NCOA6: variants seen among roughly 807,000 people sequenced by gnomAD.
NCOA6 encodes NRC RAP250.
A neutral mutation model predicts 171.4 loss-of-function variants in NCOA6; 49 were observed. The ratio of observed to expected loss-of-function variants is 0.29; its 90% CI spans 0.23 to 0.36. The LOEUF is 0.36. NCOA6 is among the 10% of genes least tolerant of loss of function. The pLI is 1.00. For synonymous variants in NCOA6, 910 were observed against 927.5 expected (o/e 0.98, Z 0.34); for missense variants, 2,248 against 2,554.5 (o/e 0.88, Z 2.59).
At chr20:34,768,864 ATATT>A (rs1365909137) in intron 4 of NCOA6, among the ~76,000 whole-genome samples, 2 of 152,234 alleles carry the variant, frequency 1.3e-5, no homozygotes, top group Admixed American at 6.5e-5. Flanking sequence ...GGAACTCTGA[ATATT>A]TATTTTCAAC....
At chr20:34,814,619 C>G (rs2078771125) in intron 1 of NCOA6, among the ~76,000 whole-genome samples, 1 of 152,034 alleles carries the variant, frequency 6.6e-6, no homozygotes, top group Non-Finnish European at 1.5e-5. Flanking sequence ...GAGACGGAGT[C>G]TCACTCTTGT....
intron 3 of NCOA6, chr20:34,776,682 T>G: frequency 1.6e-6 from 1 of 635,262 alleles, no homozygotes; most frequent in Admixed American, 2.3e-5. Context: ...TTTTCTTTTC[T>G]AAAACTATGA....
chr20:34,720,523 T>G (rs1989192272), intron 14 of NCOA6, among the ~76,000 whole-genome samples: 1 of 152,224 alleles, frequency 6.6e-6, no homozygotes, highest in African/African-American at 2.4e-5. Flanking sequence ...TGTCACTGGT[T>G]CTCCAACAAT....
chr20:34,817,983 T>C (rs2078895941), intron 1 of NCOA6, among the ~76,000 whole-genome samples: 1 of 152,174 alleles, frequency 6.6e-6, no homozygotes, highest in South Asian at 2.1e-4. Context: ...ATGATTTGAT[T>C]ATATGGTATG....
At position 34,727,420 on chromosome 20, in the gene NCOA6, A is replaced by G. The variant is rs774036892; in HGVS notation, c.6000-13T>C. On this transcript the variant is annotated splice_polypyrimidine_tract_variant and intron_variant, in intron 13 of 14. Transcript: ENST00000359003. ...TTTGGGCTCACTGCTGACAGAGGGA[A>G]GCAAAAAGTTTCCAAGCAGGTGAGG... The G allele has an allele frequency of 2.5e-6, 4 of 1,612,956 alleles. No individual in the cohort carries two copies. The highest frequency in any genetic ancestry group is 1.7e-5 in the Admixed American group (1 of 59,948).
intron 1 of NCOA6, chr20:34,809,500 C>A: frequency 2.5e-6 from 1 of 398,400 alleles, no homozygotes. Flanking sequence ...GTCAGTGGGA[C>A]CCCTCTCCAT....
Position 34,757,474 on chromosome 20 carries a change from T to A in NCOA6, c.1274A>T (p.Asn425Ile), listed in dbSNP as rs1489972492. The change falls in exon 7 of 15, where the codon AAC (asparagine) becomes ATC (isoleucine). Residue 425 changes from asparagine to isoleucine, a missense_variant. Around this residue, in one of 7 missense-constraint regions of NCOA6, gnomAD observed 987 missense variants for 1,104.7 expected, o/e 0.89. Coordinates refer to ENST00000359003, the MANE Select transcript of NCOA6 (RefSeq NM_014071.5). ...PTPLQQPHLT[N>I]KSPASSPSSF... ...GGAGGGTGAGGAGGCAGGAGACTTG[T>A]TGGTGAGGTGGGGCTGCTGCAAGGG... The A allele has an allele frequency of 1.2e-6, 2 of 1,613,726 alleles. No individual in the cohort carries two copies. Among genetic ancestry groups the A allele is most frequent in the Non-Finnish European group, 1.7e-6 (2 of 1,179,816 alleles).
At chr20:34,776,171 T>A in intron 4 of NCOA6, 122 bp downstream of exon 4, 1 of 1,276,534 alleles carries the variant, frequency 7.8e-7, no homozygotes, top group East Asian at 2.4e-5. Context: ...ACAAGTTACA[T>A]GAGTTGCTTG....
chr20:34,775,694 A>AAG (rs2077298668), intron 4 of NCOA6, among the ~76,000 whole-genome samples: 1 of 5,228 alleles, frequency 1.9e-4, no homozygotes, highest in African/African-American at 7.0e-4. Flanking sequence ...AAAAAAAAAG[A>AAG]AAAAAAAAAG....
chr20:34,775,886 A>C (rs2077305649), intron 4 of NCOA6, among the ~76,000 whole-genome samples: 1 of 152,114 alleles, frequency 6.6e-6, no homozygotes, highest in South Asian at 2.1e-4. Context: ...AGATGGGAGG[A>C]TCATCTGAGG....
chr20:34,738,284 T>C (rs977753742), intron 11 of NCOA6, among the ~76,000 whole-genome samples: 8 of 152,154 alleles, frequency 5.3e-5, no homozygotes, highest in African/African-American at 1.9e-4. Flanking sequence ...AAGTGAGTGT[T>C]CTTAACTAAA....
At chr20:34,808,600 G>A (rs1479351708) in intron 1 of NCOA6, among the ~76,000 whole-genome samples, 3 of 151,980 alleles carry the variant, frequency 2.0e-5, no homozygotes, top group Admixed American at 2.0e-4. Flanking sequence ...CACCACGCCT[G>A]GCTAATTTTG....
chr20:34,770,079 C>T (rs2077100484), intron 4 of NCOA6, among the ~76,000 whole-genome samples: 1 of 150,342 alleles, frequency 6.7e-6, no homozygotes, highest in Admixed American at 6.6e-5. Flanking sequence ...CTCGCTCTGT[C>T]GCCAGGCTGA....
intron 2 of NCOA6, among the ~76,000 whole-genome samples, chr20:34,782,992 T>C (rs1300924635): frequency 6.6e-6 from 1 of 152,154 alleles, no homozygotes; most frequent in Non-Finnish European, 1.5e-5. Flanking sequence ...AAAATTCTTA[T>C]ATGAAAGGGC....
At chr20:34,770,196 C>T (rs577789794) in intron 4 of NCOA6, among the ~76,000 whole-genome samples, 24 of 152,192 alleles carry the variant, frequency 1.6e-4, no homozygotes, top group South Asian at 6.2e-4. Flanking sequence ...CGTGCCAATA[C>T]AAGCAGCTAA....
intron 1 of NCOA6, among the ~76,000 whole-genome samples, chr20:34,823,425 A>G (rs2079063856): frequency 6.6e-6 from 1 of 152,198 alleles, no homozygotes; most frequent in South Asian, 2.1e-4. Flanking sequence ...GTATATACAT[A>G]TGGTATTGAC....
intron 1 of NCOA6, among the ~76,000 whole-genome samples, chr20:34,808,304 G>A (rs1157293147): frequency 6.6e-6 from 1 of 151,764 alleles, no homozygotes; most frequent in Admixed American, 6.6e-5. Context: ...TGCCCAGCCA[G>A]GATTCTTAAA....
intron 1 of NCOA6, chr20:34,809,569 A>ATTTTC (rs2078582821): frequency 2.5e-6 from 1 of 398,330 alleles, no homozygotes; most frequent in East Asian, 3.6e-5. Flanking sequence ...AAACATCAGA[A>ATTTTC]GAAAAGACTA....
intron 14 of NCOA6, among the ~76,000 whole-genome samples, chr20:34,719,531 T>C (rs1257282517): frequency 2.6e-5 from 4 of 151,906 alleles, no homozygotes; most frequent in African/African-American, 9.7e-5. Context: ...TTCGGGAGGC[T>C]GAGCCAGGAG....
Sources: gnomAD v4.1 joint callset for allele counts (sites outside exome capture counted in the v4.1 genomes callset) on GRCh38, gnomAD v4.1.1 for gene constraint, gnomAD v4.1.1 regional missense constraint, MANE v1.5 for transcripts, NCBI Gene and HGNC (gene_info 2026-07-23, HGNC 2026-07-21) for gene names.